FAM78B: variants seen among roughly 807,000 people sequenced by gnomAD.
FAM78B encodes the protein protein FAM78B.
In FAM78B, 10 loss-of-function variants were observed where a neutral mutation model predicts 20.0. The ratio of observed to expected loss-of-function variants is 0.50; its 90% CI spans 0.31 to 0.85. The LOEUF (loss-of-function observed/expected upper bound fraction) is 0.85, where lower values mean the gene tolerates loss of function less well. Among genes scored for constraint, FAM78B ranks in the 40% least tolerant of loss-of-function variants. The pLI is 0.05. For synonymous variants in FAM78B, 135 were observed against 132.8 expected (o/e 1.02, Z -0.12); for missense variants, 283 against 345.0 (o/e 0.82, Z 1.42).
At chr1:166,073,092 C>A (rs1426568931) in intron 1 of FAM78B, among the ~76,000 whole-genome samples, 1 of 152,194 alleles carries the variant, frequency 6.6e-6, no homozygotes, top group Non-Finnish European at 1.5e-5. Context: ...AAGACACACT[C>A]TTGTGGCTAT....
At chr1:166,116,994 G>A (rs1011971964) in intron 1 of FAM78B, among the ~76,000 whole-genome samples, 2 of 152,166 alleles carry the variant, frequency 1.3e-5, no homozygotes, top group Non-Finnish European at 2.9e-5. Context: ...CTTGACTTCT[G>A]CCTTTTAAAG....
At chr1:166,106,095 G>C (rs1179350379) in intron 1 of FAM78B, among the ~76,000 whole-genome samples, 1 of 151,158 alleles carries the variant, frequency 6.6e-6, no homozygotes, top group African/African-American at 2.4e-5. Context: ...TCTCAGCAAA[G>C]TATCACAAGG....
At chr1:166,134,516 G>GTAATAATAATAA (rs201347416) in intron 1 of FAM78B, among the ~76,000 whole-genome samples, 170 of 150,918 alleles carry the variant, frequency 1.1e-3, no homozygotes, top group Non-Finnish European at 2.0e-3. Context: ...CATTAAAGTA[G>GTAATAATAATAA]TAATAATAAT....
intron 1 of FAM78B, among the ~76,000 whole-genome samples, 168 bp from the exon 2 acceptor site, chr1:166,070,931 A>G (rs1454904291): frequency 6.6e-6 from 1 of 152,230 alleles, no homozygotes; most frequent in Non-Finnish European, 1.5e-5. Flanking sequence ...GGATTAAATG[A>G]GAACAAACCA....
Position 166,146,634 on chromosome 1 carries a change from T to C in FAM78B, c.263+19352A>G, listed in dbSNP as rs1262559328. On this transcript the variant is annotated intron_variant, in intron 1 of 1. Transcript: ENST00000354422. ...TCTCCCCACATTCAAAAAAAGGAGGTTGGGAAGTTGCGAATATACAATGGG... is the reference window on the plus strand; with the variant it reads ...TCTCCCCACATTCAAAAAAAGGAGGCTGGGAAGTTGCGAATATACAATGGG... Among the ~76,000 whole-genome samples the C allele has an allele frequency of 3.3e-5, 5 of 151,880 alleles. No homozygotes were observed. In the East Asian group the frequency reaches 7.7e-4, roughly 23 times the overall value.
At position 166,070,096 on chromosome 1, in the gene FAM78B, C is replaced by T; in HGVS notation, c.*145G>A. 7.3e-7 allele frequency: 1 copy of T among 1,376,944 alleles called. No individual in the cohort carries two copies. Among genetic ancestry groups the T allele is most frequent in the Non-Finnish European group, 9.4e-7 (1 of 1,060,056 alleles). 85.3% of individuals were successfully genotyped at this position (1,376,944 alleles called of 1,614,324 possible). A position where few individuals can be genotyped will look rare whatever the true frequency, so the allele number is the denominator to read the frequency against. ...ATGGTTCTACCACCCAAGGAGCAGC[C>T]CTACTCTTCAAAAGTGGCTGCAAAG... On this transcript the variant is annotated 3_prime_UTR_variant, in exon 2 of 2. Coordinates refer to ENST00000354422, the MANE Select transcript of FAM78B (RefSeq NM_001017961.5).
At chr1:166,133,772 T>C (rs1169992595) in intron 1 of FAM78B, among the ~76,000 whole-genome samples, 1 of 152,218 alleles carries the variant, frequency 6.6e-6, no homozygotes, top group Admixed American at 6.5e-5. Context: ...TTGCACTGGC[T>C]TCTCCTTCTC....
chr1:166,091,046 C>A (rs1175658047), intron 1 of FAM78B, among the ~76,000 whole-genome samples: 1 of 152,146 alleles, frequency 6.6e-6, no homozygotes, highest in African/African-American at 2.4e-5. Flanking sequence ...CGTAGGCTGA[C>A]TGGCTCCTGA....
intron 1 of FAM78B, among the ~76,000 whole-genome samples, chr1:166,137,987 A>G (rs957702352): frequency 6.6e-6 from 1 of 152,180 alleles, no homozygotes; most frequent in East Asian, 1.9e-4. Context: ...GAGGCAAAAA[A>G]TACTGGCAGG....
intron 1 of FAM78B, among the ~76,000 whole-genome samples, chr1:166,125,701 G>A (rs1393275686): frequency 6.6e-6 from 1 of 151,880 alleles, no homozygotes; most frequent in African/African-American, 2.4e-5. Flanking sequence ...TATAACCTAC[G>A]CACATCCTCC....
intron 1 of FAM78B, among the ~76,000 whole-genome samples, chr1:166,104,657 G>T (rs12095915): frequency 0.2 from 29,667 of 152,044 alleles, 3,296 homozygotes; most frequent in East Asian, 0.38. Context: ...GGGACGTGAA[G>T]GACCTCTTCA....
At chr1:166,152,205 C>T (rs2101798825) in intron 1 of FAM78B, among the ~76,000 whole-genome samples, 1 of 152,298 alleles carries the variant, frequency 6.6e-6, no homozygotes, top group South Asian at 2.1e-4. Context: ...GCTCAGCCAT[C>T]CAGCTGGAGA....
At chr1:166,156,574 A>C (rs1655903560) in intron 1 of FAM78B, among the ~76,000 whole-genome samples, 1 of 152,224 alleles carries the variant, frequency 6.6e-6, no homozygotes, top group Non-Finnish European at 1.5e-5. Context: ...TGAAATAGGA[A>C]TAACTGTTGT....
At chr1:166,123,832 C>G (rs1355777569) in intron 1 of FAM78B, among the ~76,000 whole-genome samples, 3 of 152,266 alleles carry the variant, frequency 2.0e-5, no homozygotes, top group South Asian at 2.1e-4. Flanking sequence ...TTCTTCCACC[C>G]CAGCTCCAGC....
At chr1:166,161,899 A>G (rs575777773) in intron 1 of FAM78B, among the ~76,000 whole-genome samples, 1 of 152,364 alleles carries the variant, frequency 6.6e-6, no homozygotes, top group African/African-American at 2.4e-5. Context: ...GCGAAGACAC[A>G]CACACATCTG....
intron 1 of FAM78B, among the ~76,000 whole-genome samples, chr1:166,103,911 T>A (rs909534096): frequency 1.3e-5 from 2 of 152,116 alleles, no homozygotes; most frequent in Non-Finnish European, 2.9e-5. Context: ...AAAAGAGAAT[T>A]TTAGACCAAT....
chr1:166,094,319 G>A (rs1227302138), intron 1 of FAM78B, among the ~76,000 whole-genome samples: 2 of 152,164 alleles, frequency 1.3e-5, no homozygotes, highest in African/African-American at 4.8e-5. Flanking sequence ...GAAGCAGAAG[G>A]CTACCACCCT....
At chr1:166,098,173 A>T (rs1653362740) in intron 1 of FAM78B, among the ~76,000 whole-genome samples, 1 of 152,150 alleles carries the variant, frequency 6.6e-6, no homozygotes, top group Non-Finnish European at 1.5e-5. Flanking sequence ...ATCCATAGGA[A>T]AAGGGGGAGA....
Position 166,146,259 on chromosome 1 carries a change from A to G in FAM78B, c.263+19727T>C, listed in dbSNP as rs147875542. Among the ~76,000 whole-genome samples the G allele has an allele frequency of 4.4e-3, 676 of 152,100 alleles. 4 individuals carry two copies. Among genetic ancestry groups the G allele is most frequent in the African/African-American group, 0.016 (645 of 41,464 alleles). ...ACTTCTGACCCAATGACCAATTTCT[A>G]TTTTCTTCACTCAGGGTTTTACGGC... On this transcript the variant is annotated intron_variant, in intron 1 of 1. Transcript: ENST00000354422.
Sources: allele counts gnomAD v4.1 joint callset (sites outside exome capture counted in the v4.1 genomes callset), GRCh38; gene constraint gnomAD v4.1.1; transcripts MANE v1.5; gene names NCBI Gene and HGNC (gene_info 2026-07-23, HGNC 2026-07-21).